ARFGEF2: variants seen among roughly 807,000 people sequenced by gnomAD.
The protein encoded by ARFGEF2 is brefeldin A-inhibited guanine nucleotide-exchange protein 2.
ARFGEF2 carries 74 observed loss-of-function variants against 219.9 expected under a neutral mutation model. That is an observed-to-expected ratio of 0.34 (90% CI 0.28 to 0.41). The LOEUF is 0.41. Ranked by LOEUF, ARFGEF2 falls within the 10% of genes least tolerant of loss-of-function variation. The pLI is 1.00. For missense variants in ARFGEF2, 1,743 were observed against 2,218.3 expected (o/e 0.79, Z 4.30); for synonymous variants, 733 against 799.2 (o/e 0.92, Z 1.40).
Position 48,985,567 on chromosome 20 carries a change from C to T in ARFGEF2, c.2230C>T (p.Arg744Ter). 1.2e-6 allele frequency: 2 copies of T among 1,614,136 alleles called. No homozygotes were observed. Among genetic ancestry groups the T allele is most frequent in the Non-Finnish European group, 8.5e-7 (1 of 1,180,034 alleles). Residue 744 changes from arginine (R) to a stop codon, truncating the protein, a stop_gained, in exon 16 of 39, where the codon CGA becomes TGA. Coordinates refer to ENST00000371917, the MANE Select transcript of ARFGEF2 (RefSeq NM_006420.3). LOFTEE classifies it high-confidence loss of function. ...RLPGEAQKID[R>*]LMEKFAARYI... is the part of the protein sequence containing the mutation. ...ACCTGGAGAAGCCCAAAAGATTGACCGATTAATGGAGAAGTTTGCCGCAAG... is the reference window on the plus strand; with the variant it reads ...ACCTGGAGAAGCCCAAAAGATTGACTGATTAATGGAGAAGTTTGCCGCAAG...
chr20:48,999,800 A>G (rs1465756873), intron 25 of ARFGEF2, among the ~76,000 whole-genome samples: 2 of 151,774 alleles, frequency 1.3e-5, no homozygotes, highest in Admixed American at 1.3e-4. Context: ...CTGTGATGTC[A>G]TTTGCCTCTT....
intron 25 of ARFGEF2, among the ~76,000 whole-genome samples, chr20:48,998,808 T>A (rs2091407448): frequency 6.6e-6 from 1 of 152,226 alleles, no homozygotes; most frequent in East Asian, 1.9e-4. Flanking sequence ...TTGGAAGCAT[T>A]GTGAAATGAA....
In ARFGEF2 at chr20:48,970,848, C is replaced by T. The variant is rs574856555; in HGVS notation, c.1191-272C>T. Among the ~76,000 whole-genome samples, 7 of 152,172 alleles carry T rather than the reference C, an allele frequency of 4.6e-5. No homozygotes were observed. The South Asian group carries it at 1.2e-3, about 27-fold the overall frequency. On this transcript the variant is annotated intron_variant, in intron 9 of 38. Transcript: ENST00000371917. Reference sequence around the variant, plus strand: ...ATTCTTGCAGTACAGTTGCAGAACTCGCTCTCCAGAATCAGTTGACACTTT... The same window carrying T: ...ATTCTTGCAGTACAGTTGCAGAACTTGCTCTCCAGAATCAGTTGACACTTT...
intron 6 of ARFGEF2, among the ~76,000 whole-genome samples, chr20:48,962,876 A>G (rs2091162387): frequency 6.6e-6 from 1 of 152,064 alleles, no homozygotes; most frequent in Non-Finnish European, 1.5e-5. Flanking sequence ...TTGCTTTTTT[A>G]AGGTGATGGC....
chr20:49,023,143 A>G lies in ARFGEF2; in HGVS notation c.4717A>G (p.Ser1573Gly). 6.2e-7 allele frequency: 1 copy of G among 1,614,222 alleles called. No homozygotes were observed. The highest frequency in any genetic ancestry group is 8.5e-7 in the Non-Finnish European group (1 of 1,180,046). The change falls in exon 35 of 39, where the codon AGC becomes GGC. Residue 1573 changes from serine (S) to glycine (G), a missense_variant. Ser to Gly is a moderately conservative substitution (Grantham distance 56). This residue lies in a region of ARFGEF2 where 578 missense variants were observed against 664.0 expected (regional missense o/e 0.87). Transcript: ENST00000371917. ...CAACATTGTGTTCTACCCTGCGACG[A>G]GCAAAAAGGAGGATGCAGAGCACAT... ...IDNIVFYPAT[S>G]KKEDAEHMVA...
At chr20:48,963,755 A>G (rs2091169176) in intron 6 of ARFGEF2, 75 bp from the exon 7 acceptor site, 17 of 1,378,362 alleles carry the variant, frequency 1.2e-5, no homozygotes, top group Non-Finnish European at 1.6e-5. Context: ...ACTCCCCATA[A>G]TCTCCTTTTC....
chr20:49,026,257 G>A (rs1359596149), intron 36 of ARFGEF2, among the ~76,000 whole-genome samples: 3 of 152,136 alleles, frequency 2.0e-5, no homozygotes, highest in Admixed American at 2.0e-4. Context: ...CTTGAGCCTA[G>A]GAGGTGGAGG....
At position 49,028,520 on chromosome 20, in the gene ARFGEF2, T is replaced by G. The variant is rs1224024339; in HGVS notation, c.4925-10T>G. 3 of 1,613,790 alleles carry G rather than the reference T, an allele frequency of 1.9e-6. No homozygotes were observed. Among genetic ancestry groups the G allele is most frequent in the East Asian group, 2.2e-5 (1 of 44,892 alleles). On this transcript the variant is annotated splice_polypyrimidine_tract_variant and intron_variant, in intron 36 of 38. Transcript: ENST00000371917. ...AATGTGCACTAATTATATGACTGTC[T>G]GATCTCTAGGTTTTAAGGGCAAGTC...
intron 3 of ARFGEF2, among the ~76,000 whole-genome samples, chr20:48,948,300 G>A (rs1216011529): frequency 6.6e-6 from 1 of 152,046 alleles, no homozygotes; most frequent in Non-Finnish European, 1.5e-5. Flanking sequence ...TCAGGCTCTA[G>A]CTATATCTCT....
At chr20:49,016,451 A>G (rs1405754509) in intron 31 of ARFGEF2, 36 bp downstream of exon 31, 3 of 1,604,108 alleles carry the variant, frequency 1.9e-6, no homozygotes, top group East Asian at 4.5e-5. Flanking sequence ...TTTTTCTTAC[A>G]TAGTCTTTAA....
chr20:48,953,786 G>A lies in ARFGEF2; in HGVS notation c.834G>A (p.Leu278=), dbSNP rs370588776. The A allele has an allele frequency of 5.0e-6, 8 of 1,613,734 alleles. No individual in the cohort carries two copies. Among genetic ancestry groups the A allele is most frequent in the Non-Finnish European group, 6.8e-6 (8 of 1,179,860 alleles). The part of the protein sequence containing the change: ...GDAPRERGSS[L]SGTDDGAQEV... Reference sequence around the variant, plus strand: ...CACCCAGAGAAAGAGGCTCATCACTGTCAGGTACGGGCTGATACGGTATGG... The same window carrying A: ...CACCCAGAGAAAGAGGCTCATCACTATCAGGTACGGGCTGATACGGTATGG... Residue 278 remains leucine (L), a synonymous_variant, in exon 6 of 39, where the codon CTG becomes CTA. Coordinates refer to ENST00000371917, the MANE Select transcript of ARFGEF2 (RefSeq NM_006420.3).
intron 35 of ARFGEF2, among the ~76,000 whole-genome samples, chr20:49,023,609 G>T (rs1427201965): frequency 1.3e-5 from 2 of 149,832 alleles, no homozygotes; most frequent in Non-Finnish European, 3.0e-5. Context: ...CGCGATCTCG[G>T]CTCACTGCAA....
chr20:49,030,482 T>G lies in ARFGEF2; in HGVS notation c.5064-1567T>G, dbSNP rs1205434571. On this transcript the variant is annotated intron_variant, in intron 37 of 38. Transcript: ENST00000371917. ...AAATCTTAGCAAAAAAAAAAAAAAC[T>G]GGAAGGAAATATGCCAAAATATTGT... is the stretch of plus-strand genomic sequence containing the variant. Among the ~76,000 whole-genome samples the G allele has an allele frequency of 2.0e-5, 3 of 149,840 alleles. No homozygotes were observed. The East Asian group carries it at 5.9e-4, about 29-fold the overall frequency.
At chr20:48,961,044 C>T (rs910242180) in intron 6 of ARFGEF2, among the ~76,000 whole-genome samples, 2 of 149,660 alleles carry the variant, frequency 1.3e-5, no homozygotes, top group Admixed American at 6.7e-5. Flanking sequence ...TGTGCCACTG[C>T]ACTCGACCCT....
At chr20:48,939,375 C>G (rs1439202251) in intron 1 of ARFGEF2, among the ~76,000 whole-genome samples, 9 of 152,270 alleles carry the variant, frequency 5.9e-5, no homozygotes. Flanking sequence ...AAACTTGACT[C>G]TAACAAGGTA....
At chr20:48,933,744 C>T (rs1179712154) in intron 1 of ARFGEF2, among the ~76,000 whole-genome samples, 1 of 152,032 alleles carries the variant, frequency 6.6e-6, no homozygotes, top group East Asian at 1.9e-4. Flanking sequence ...GAATTATCTG[C>T]ACTCTTGGTG....
intron 6 of ARFGEF2, among the ~76,000 whole-genome samples, chr20:48,954,806 C>T (rs1194334293): frequency 3.3e-5 from 5 of 152,148 alleles, no homozygotes; most frequent in Non-Finnish European, 7.3e-5. Context: ...CTTCTACTTA[C>T]TTCTGCTGTC....
intron 3 of ARFGEF2, among the ~76,000 whole-genome samples, chr20:48,950,051 G>A (rs925233227): frequency 6.6e-5 from 10 of 152,176 alleles, no homozygotes; most frequent in African/African-American, 1.9e-4. Flanking sequence ...GCTCCCTCAG[G>A]TGATTATGTT....
At position 48,980,918 on chromosome 20, in the gene ARFGEF2, T is replaced by C. The variant is rs1184624834; in HGVS notation, c.1959-3811T>C. Among the ~76,000 whole-genome samples the C allele has an allele frequency of 4.6e-5, 7 of 152,146 alleles. No homozygotes were observed. In the South Asian group the frequency reaches 1.5e-3, roughly 32 times the overall value. ...GTCTCCTGAATATAGCACACTGAGG[T>C]CTTGACTCTTTATCCAGTTTGCCAG... On this transcript the variant is annotated intron_variant, in intron 14 of 38. Transcript: ENST00000371917.
Sources: allele counts gnomAD v4.1 joint callset (sites outside exome capture counted in the v4.1 genomes callset), GRCh38; gene constraint gnomAD v4.1.1; regional missense constraint gnomAD v4.1.1; transcripts MANE v1.5; gene names NCBI Gene and HGNC (gene_info 2026-07-23, HGNC 2026-07-21).